Variants in MAGI2 observed in about 807,000 individuals in gnomAD.
MAGI2 encodes the protein membrane associated guanylate kinase, WW and PDZ domain containing 2.
MAGI2 carries 35 observed loss-of-function variants against 133.3 expected under a neutral mutation model. That is an observed-to-expected ratio of 0.26 (90% CI 0.20 to 0.35). The LOEUF (loss-of-function observed/expected upper bound fraction) is 0.35. Among genes scored for constraint, MAGI2 ranks in the 10% least tolerant of loss-of-function variants. MAGI2 has a pLI of 1.00. For synonymous variants in MAGI2, 729 were observed against 710.6 expected (o/e 1.03, Z -0.41); for missense variants, 1,636 against 1,863.4 (o/e 0.88, Z 2.25).
rs375243369 is a variant in MAGI2 at position 78,530,562 on chromosome 7, T to G, written c.539-8917A>C. Among the ~76,000 whole-genome samples, 12 of 152,276 alleles carry G rather than the reference T, an allele frequency of 7.9e-5. No homozygotes were observed. In the South Asian group the frequency reaches 2.5e-3, roughly 32 times the overall value. ...GCTCACAGACAGAGGGATTGTTGAC[T>G]CATGGCAGCAGTGTGGAAACAGACA... is the stretch of plus-strand genomic sequence containing the variant. On this transcript the variant is annotated intron_variant, in intron 3 of 21. Transcript: ENST00000354212.
At chr7:79,225,223 CT>C (rs1249771781) in intron 1 of MAGI2, among the ~76,000 whole-genome samples, 1 of 152,130 alleles carries the variant, frequency 6.6e-6, no homozygotes, top group Non-Finnish European at 1.5e-5. Flanking sequence ...GAACCCGTGC[CT>C]GACACTGCAC....
chr7:79,080,510 G>A (rs1562868430), intron 1 of MAGI2, among the ~76,000 whole-genome samples: 1 of 152,082 alleles, frequency 6.6e-6, no homozygotes, highest in Non-Finnish European at 1.5e-5. Flanking sequence ...GTTTTAAATA[G>A]TGTTTAAAGG....
rs892842898 is a variant in MAGI2, at chr7:78,219,572, C to T, written c.2048-18379G>A. 4.6e-5 allele frequency among the ~76,000 whole-genome samples: 7 copies of T among 152,132 alleles called. No homozygotes were observed. In the East Asian group the frequency reaches 9.6e-4, roughly 21 times the overall value. The stretch of plus-strand genomic sequence containing the variant: ...AATCAGCCTTGTCCTTCCCCCCCAC[C>T]GATGTCAAGACCAACTGTTCAGCTG... On this transcript the variant is annotated intron_variant, in intron 10 of 21. Coordinates refer to ENST00000354212, the MANE Select transcript of MAGI2 (RefSeq NM_012301.4).
chr7:78,669,379 T>C (rs1263125898), intron 2 of MAGI2, among the ~76,000 whole-genome samples: 1 of 151,966 alleles, frequency 6.6e-6, no homozygotes, highest in African/African-American at 2.4e-5. Flanking sequence ...AGGAAGAAGT[T>C]GAATCTCTGA....
At chr7:79,401,690 G>A (rs1291967201) in intron 1 of MAGI2, among the ~76,000 whole-genome samples, 1 of 152,048 alleles carries the variant, frequency 6.6e-6, no homozygotes, top group East Asian at 1.9e-4. Context: ...AAACATGGAT[G>A]ATTACTATAT....
intron 1 of MAGI2, among the ~76,000 whole-genome samples, chr7:79,199,089 C>A (rs1191601812): frequency 6.6e-6 from 1 of 151,864 alleles, no homozygotes; most frequent in Non-Finnish European, 1.5e-5. Flanking sequence ...ATTACGAAAT[C>A]CACAAACTAT....
intron 1 of MAGI2, among the ~76,000 whole-genome samples, chr7:79,344,239 A>G (rs2129103176): frequency 6.6e-6 from 1 of 152,216 alleles, no homozygotes; most frequent in Non-Finnish European, 1.5e-5. Context: ...GGTACAATGA[A>G]TCAATACTAA....
intron 1 of MAGI2, chr7:79,139,847 C>T (rs1308581635): frequency 6.6e-6 from 1 of 152,108 alleles, no homozygotes; most frequent in Non-Finnish European, 1.5e-5. Flanking sequence ...CTACAAGATG[C>T]CTGCAGTCAT....
At position 78,955,639 on chromosome 7, in the gene MAGI2, T is replaced by C. The variant is rs1199735374; in HGVS notation, c.418+51451A>G. Among the ~76,000 whole-genome samples, 3 of 144,720 alleles carry C rather than the reference T, an allele frequency of 2.1e-5. No individual in the cohort carries two copies. The South Asian group carries it at 6.9e-4, about 33-fold the overall frequency. The allele number at this position is 144,720 out of a possible 152,430, so 94.9% of individuals were successfully genotyped here. The stretch of plus-strand genomic sequence containing the variant: ...CTCCCTTCCTTCCTTCCCTCCCTCC[T>C]TTTCTCTCTCTCTCTCCCTTCCTTC... On this transcript the variant is annotated intron_variant, in intron 2 of 21. Coordinates refer to ENST00000354212, the MANE Select transcript of MAGI2 (RefSeq NM_012301.4).
chr7:79,035,221 AG>A (rs1240299612), intron 1 of MAGI2, among the ~76,000 whole-genome samples: 4 of 11,054 alleles, frequency 3.6e-4, no homozygotes, highest in Non-Finnish European at 7.6e-4. Context: ...CGGCGGGGGC[AG>A]GGGGGGTGGT....
chr7:79,159,517 C>CAAAAA (rs57296916), intron 1 of MAGI2, among the ~76,000 whole-genome samples: 2 of 107,358 alleles, frequency 1.9e-5, no homozygotes, highest in African/African-American at 3.4e-5. Context: ...GACTCAGTCT[C>CAAAAA]AAAAAAAAAA....
intron 1 of MAGI2, among the ~76,000 whole-genome samples, chr7:79,231,857 T>C (rs1262863412): frequency 6.6e-6 from 1 of 151,780 alleles, no homozygotes; most frequent in African/African-American, 2.4e-5. Flanking sequence ...AGAGAGGGCA[T>C]CCCTGTCTTG....
intron 21 of MAGI2, among the ~76,000 whole-genome samples, chr7:78,047,862 A>G (rs1811590563): frequency 1.3e-5 from 2 of 152,132 alleles, no homozygotes; most frequent in South Asian, 4.1e-4. Context: ...GATTTTGCCT[A>G]TGACTGGATT....
chr7:79,302,060 G>T (rs567222374), intron 1 of MAGI2, among the ~76,000 whole-genome samples: 4 of 152,264 alleles, frequency 2.6e-5, no homozygotes, highest in East Asian at 1.9e-4. Flanking sequence ...GCAGAACCAT[G>T]AGCCAATTAA....
At chr7:78,242,079 T>A (rs141014243) in intron 10 of MAGI2, among the ~76,000 whole-genome samples, 1 of 152,118 alleles carries the variant, frequency 6.6e-6, no homozygotes, top group South Asian at 2.1e-4. Flanking sequence ...ACAAACCATT[T>A]TTTAATTCCT....
intron 1 of MAGI2, among the ~76,000 whole-genome samples, chr7:79,046,370 A>G (rs1812184381): frequency 6.6e-6 from 1 of 152,330 alleles, no homozygotes; most frequent in African/African-American, 2.4e-5. Flanking sequence ...ACAACAAGCC[A>G]AGGAAAGAGG....
At chr7:78,689,945 A>T (rs1816786127) in intron 2 of MAGI2, among the ~76,000 whole-genome samples, 2 of 152,050 alleles carry the variant, frequency 1.3e-5, no homozygotes, top group Non-Finnish European at 2.9e-5. Context: ...TTTTAACTAC[A>T]TGTTTATCTT....
At chr7:78,665,351 C>T (rs73380204) in intron 2 of MAGI2, among the ~76,000 whole-genome samples, 2,334 of 152,104 alleles carry the variant, frequency 0.015, 69 homozygotes, top group African/African-American at 0.053. Flanking sequence ...TACTCTTTAA[C>T]AATGGATAAT....
Position 78,639,084 on chromosome 7 carries a change from G to A in MAGI2, c.419-11845C>T, listed in dbSNP as rs1045958000. On this transcript the variant is annotated intron_variant, in intron 2 of 21. Coordinates refer to ENST00000354212, the MANE Select transcript of MAGI2 (RefSeq NM_012301.4). ...GACACACTACTCAGTGACCTTCATC[G>A]CATGGAAGGTTTAGTGGATCATAAC... 1.2e-4 allele frequency among the ~76,000 whole-genome samples: 18 copies of A among 152,244 alleles called. No homozygotes were observed. The South Asian group carries it at 3.1e-3, about 26-fold the overall frequency.
Sources: gnomAD v4.1 joint callset for allele counts (sites outside exome capture counted in the v4.1 genomes callset) on GRCh38, gnomAD v4.1.1 for gene constraint, MANE v1.5 for transcripts, NCBI Gene and HGNC (gene_info 2026-07-23, HGNC 2026-07-21) for gene names.